Variants in TEX11 observed in about 807,000 individuals in gnomAD.
The protein encoded by TEX11 is testis-expressed protein 11.
A neutral mutation model predicts 84.4 loss-of-function variants in TEX11; 7 were observed. That is an observed-to-expected ratio of 0.08 (90% confidence interval 0.05 to 0.16). The LOEUF (loss-of-function observed/expected upper bound fraction) is 0.16. Ranked by LOEUF, TEX11 falls within the 10% of genes least tolerant of loss-of-function variation. TEX11 has a pLI of 1.00. For missense variants in TEX11, 551 were observed against 660.5 expected (o/e 0.83, Z 1.82); for synonymous variants, 264 against 222.8 (o/e 1.18, Z -1.64).
intron 2 of TEX11, among the ~76,000 whole-genome samples, chrX:70,901,768 T>C (rs1356650638): frequency 9.0e-6 from 1 of 111,673 alleles, no homozygotes; most frequent in Non-Finnish European, 1.9e-5. Context: ...GACCCCGTCA[T>C]AGAGTGTACT....
intron 2 of TEX11, among the ~76,000 whole-genome samples, chrX:70,901,080 T>C (rs977727647): frequency 9.0e-6 from 1 of 111,676 alleles, no homozygotes; most frequent in African/African-American, 3.3e-5. Context: ...TAGTCAGGAA[T>C]GGTGGCGCAT....
chrX:70,896,418 G>A (rs886327333), intron 2 of TEX11, among the ~76,000 whole-genome samples: 2 of 112,041 alleles, frequency 1.8e-5, no homozygotes, highest in African/African-American at 6.5e-5. Context: ...TACACTGTTG[G>A]TGGGAGTGTA....
chrX:70,525,614 T>C (rs1360223412), downstream of TEX11, among the ~76,000 whole-genome samples: 1 of 109,226 alleles, frequency 9.2e-6, no homozygotes, highest in Non-Finnish European at 1.9e-5. Context: ...TGCCAGGCAC[T>C]GTGCTAGACC....
chrX:70,538,635 T>A (rs191529000), intron 28 of TEX11, among the ~76,000 whole-genome samples: 21 of 110,714 alleles, frequency 1.9e-4, no homozygotes, highest in Admixed American at 1.7e-3. Flanking sequence ...ATTAAAAAAA[T>A]TTTATTAAAA....
intron 8 of TEX11, among the ~76,000 whole-genome samples, chrX:70,831,647 G>A (rs958748647): frequency 9.0e-6 from 1 of 110,630 alleles, no homozygotes; most frequent in East Asian, 2.8e-4. Context: ...AAGGGGAGGG[G>A]TTACAAAGTT....
intron 18 of TEX11, among the ~76,000 whole-genome samples, chrX:70,627,846 A>G (rs923886387): frequency 1.8e-5 from 2 of 111,513 alleles, no homozygotes; most frequent in Admixed American, 9.6e-5. Flanking sequence ...ATATTTTCTT[A>G]TTGTTTAGAG....
chrX:70,540,677 T>G (rs779555294), intron 28 of TEX11, among the ~76,000 whole-genome samples: 1 of 110,874 alleles, frequency 9.0e-6, no homozygotes, highest in Non-Finnish European at 1.9e-5. Context: ...TAAAACTGAG[T>G]GAACAACCCT....
chrX:70,749,500 A>G (rs4844258), intron 9 of TEX11, among the ~76,000 whole-genome samples: 2 of 107,434 alleles, frequency 1.9e-5, no homozygotes, highest in African/African-American at 3.4e-5. Flanking sequence ...GTCTTGTGCC[A>G]GTTTTCAAAG....
intron 11 of TEX11, among the ~76,000 whole-genome samples, chrX:70,740,470 C>T (rs1222819157): frequency 2.7e-5 from 3 of 111,677 alleles, no homozygotes; most frequent in Admixed American, 1.9e-4. Context: ...ACCAAAAAGT[C>T]CCCACCTCTT....
chrX:70,792,357 T>C (rs1363393927), intron 9 of TEX11, among the ~76,000 whole-genome samples: 1 of 8,859 alleles, frequency 1.1e-4, no homozygotes, highest in Non-Finnish European at 1.6e-4. Flanking sequence ...TATATATATA[T>C]ACACACACAA....
intron 25 of TEX11, among the ~76,000 whole-genome samples, chrX:70,560,253 C>T (rs912659721): frequency 5.5e-5 from 6 of 109,249 alleles, no homozygotes; most frequent in East Asian, 5.7e-4. Flanking sequence ...CGGGTTCAAG[C>T]GATTCTCCTG....
At chrX:70,824,773 T>C (rs946086615) in intron 8 of TEX11, among the ~76,000 whole-genome samples, 1 of 111,487 alleles carries the variant, frequency 9.0e-6, no homozygotes, top group African/African-American at 3.3e-5. Context: ...CTAATTTACA[T>C]AACAAAAACT....
At chrX:70,731,868 C>T (rs2090654914) in intron 11 of TEX11, among the ~76,000 whole-genome samples, 1 of 111,256 alleles carries the variant, frequency 9.0e-6, no homozygotes, top group Admixed American at 9.6e-5. Flanking sequence ...AATTTTAGAC[C>T]AATATCCCTG....
chrX:70,660,998 A>G (rs1356491962), intron 16 of TEX11, among the ~76,000 whole-genome samples: 1 of 112,528 alleles, frequency 8.9e-6, no homozygotes, highest in East Asian at 2.8e-4. Context: ...TACTGGGTGC[A>G]TCTCACTGAG....
chrX:70,679,214 T>G (rs1339711187), intron 14 of TEX11, among the ~76,000 whole-genome samples: 1 of 112,550 alleles, frequency 8.9e-6, no homozygotes, highest in Non-Finnish European at 1.9e-5. Flanking sequence ...GTGCCGGGAT[T>G]GCAGACGGAG....
rs1257502366 is a variant in TEX11 at position 70,610,546 on chromosome X, A to G, written c.1752-3T>C. 4.2e-6 allele frequency: 5 copies of G among 1,197,720 alleles called. No homozygotes were observed. The highest frequency in any genetic ancestry group is 3.5e-5 in the African/African-American group (2 of 56,829). On this transcript the variant is annotated splice_region_variant and splice_polypyrimidine_tract_variant and intron_variant, in intron 20 of 29. Transcript: ENST00000374333. ...AAAGTCGATCCATTTCTTTCTTCCTAAAAATAAAGAAAAGGATATTTTCCA... is the reference window on the plus strand; with the variant it reads ...AAAGTCGATCCATTTCTTTCTTCCTGAAAATAAAGAAAAGGATATTTTCCA...
intron 9 of TEX11, among the ~76,000 whole-genome samples, chrX:70,794,284 T>A (rs1470701915): frequency 8.9e-6 from 1 of 111,802 alleles, no homozygotes; most frequent in Non-Finnish European, 1.9e-5. Context: ...TCAGTTGACG[T>A]CAATGGAGAG....
chrX:70,907,685 C>T (rs1284454579), intron 2 of TEX11, 68 bp downstream of exon 2: 2 of 886,379 alleles, frequency 2.3e-6, no homozygotes, highest in African/African-American at 3.9e-5. Flanking sequence ...AGCCACCGCG[C>T]CCAGCAATAT....
chrX:70,532,089 C>T, intron 28 of TEX11, among the ~76,000 whole-genome samples: 1 of 111,968 alleles, frequency 8.9e-6, no homozygotes, highest in African/African-American at 3.2e-5. Flanking sequence ...AAATAGAGTT[C>T]TTTAGTCAAA....
Sources: gnomAD v4.1 joint callset for allele counts (sites outside exome capture counted in the v4.1 genomes callset) on GRCh38, gnomAD v4.1.1 for gene constraint, MANE v1.5 for transcripts, NCBI Gene and HGNC (gene_info 2026-07-23, HGNC 2026-07-21) for gene names.